Variants in TLL2 observed in about 807,000 individuals in gnomAD.
The protein encoded by TLL2 is tolloid like 2.
Under a neutral mutation model 123.0 loss-of-function variants are expected in TLL2, and 106 were observed. The observed-to-expected ratio is 0.86, with a 90% CI of 0.74 to 1.01. The LOEUF (loss-of-function observed/expected upper bound fraction) is 1.01, where lower values mean the gene tolerates loss of function less well. Ranked by LOEUF, TLL2 falls within the 50% of genes least tolerant of loss-of-function variation. The pLI, the probability that TLL2 is intolerant of heterozygous loss-of-function variation, is 0.00. For missense variants in TLL2, 1,332 were observed against 1,336.7 expected (o/e 1.00, Z 0.06); for synonymous variants, 494 against 516.8 (o/e 0.96, Z 0.60).
chr10:96,439,055 G>T (rs945920721), intron 3 of TLL2, among the ~76,000 whole-genome samples: 2 of 18,686 alleles, frequency 1.1e-4, no homozygotes, highest in African/African-American at 1.3e-4. Flanking sequence ...GATTTCATTT[G>T]CTAATTTTTT....
intron 7 of TLL2, among the ~76,000 whole-genome samples, chr10:96,413,743 A>G (rs973715147): frequency 2.0e-5 from 3 of 152,160 alleles, no homozygotes; most frequent in Admixed American, 2.0e-4. Flanking sequence ...AACTGGTCCA[A>G]TGTGAGACTC....
chr10:96,426,437 G>C (rs1846678243), intron 5 of TLL2, among the ~76,000 whole-genome samples: 3 of 152,094 alleles, frequency 2.0e-5, no homozygotes, highest in South Asian at 4.2e-4. Context: ...AAAGTAATTT[G>C]AAAGCGTTCA....
intron 2 of TLL2, among the ~76,000 whole-genome samples, chr10:96,478,322 C>A (rs141723037): frequency 6.6e-6 from 1 of 152,224 alleles, no homozygotes; most frequent in South Asian, 2.1e-4. Context: ...GACCAAGACT[C>A]AAAGCCTTAC....
chr10:96,443,755 G>T (rs770503756), intron 3 of TLL2, among the ~76,000 whole-genome samples: 1 of 152,206 alleles, frequency 6.6e-6, no homozygotes, highest in Non-Finnish European at 1.5e-5. Context: ...ACTAAGTGCT[G>T]ATCATTTGTG....
intron 5 of TLL2, among the ~76,000 whole-genome samples, chr10:96,423,148 A>G (rs1846643255): frequency 1.4e-5 from 2 of 146,614 alleles, no homozygotes; most frequent in African/African-American, 5.0e-5. Context: ...AAAAAAAAAG[A>G]AAAGAAACAG....
chr10:96,396,217 C>T (rs1453145033), intron 11 of TLL2, among the ~76,000 whole-genome samples, 197 bp from the exon 12 acceptor site: 1 of 149,152 alleles, frequency 6.7e-6, no homozygotes, highest in Non-Finnish European at 1.5e-5. Context: ...GAATTTTTTT[C>T]ATATAAAGAA....
chr10:96,368,439 G>T (rs1846049453), intron 20 of TLL2, among the ~76,000 whole-genome samples: 2 of 152,238 alleles, frequency 1.3e-5, no homozygotes, highest in African/African-American at 4.8e-5. Flanking sequence ...GATCCTAGGT[G>T]CATAGCTCAT....
At chr10:96,507,681 T>C (rs975303099) in intron 1 of TLL2, among the ~76,000 whole-genome samples, 3 of 152,132 alleles carry the variant, frequency 2.0e-5, no homozygotes, top group Admixed American at 6.5e-5. Context: ...GTTCTTTTTT[T>C]CCCTGAGGCT....
intron 1 of TLL2, among the ~76,000 whole-genome samples, chr10:96,482,519 G>A (rs138931504): frequency 7.8e-4 from 118 of 152,244 alleles, no homozygotes; most frequent in African/African-American, 2.6e-3. Flanking sequence ...ATAGACACAG[G>A]CTCCAACGTG....
At chr10:96,467,663 T>C (rs1310560968) in intron 2 of TLL2, among the ~76,000 whole-genome samples, 2 of 152,266 alleles carry the variant, frequency 1.3e-5, no homozygotes, top group Admixed American at 6.5e-5. Context: ...AAAAAGCCTT[T>C]AGTAGGGTTT....
At chr10:96,455,559 C>T (rs530223548) in intron 2 of TLL2, among the ~76,000 whole-genome samples, 85 of 151,602 alleles carry the variant, frequency 5.6e-4, no homozygotes, top group African/African-American at 2.0e-3. Context: ...CGGCCCAAAC[C>T]TACCAAAACC....
At chr10:96,456,046 G>T (rs1847012641) in intron 2 of TLL2, among the ~76,000 whole-genome samples, 1 of 152,218 alleles carries the variant, frequency 6.6e-6, no homozygotes, top group South Asian at 2.1e-4. Flanking sequence ...GCACAGTCCT[G>T]TGAGGTAGAG....
At chr10:96,377,228 G>A (rs1846146380) in intron 17 of TLL2, among the ~76,000 whole-genome samples, 1 of 152,226 alleles carries the variant, frequency 6.6e-6, no homozygotes, top group Admixed American at 6.5e-5. Context: ...GGTGATATGT[G>A]ATCGAATGAG....
intron 2 of TLL2, among the ~76,000 whole-genome samples, chr10:96,454,553 C>A (rs1846992261): frequency 6.6e-6 from 1 of 152,200 alleles, no homozygotes; most frequent in African/African-American, 2.4e-5. Context: ...TGTTGTTCAC[C>A]TGGCATCAAA....
intron 2 of TLL2, among the ~76,000 whole-genome samples, chr10:96,446,517 C>G (rs1397297549): frequency 6.6e-6 from 1 of 152,080 alleles, no homozygotes; most frequent in Non-Finnish European, 1.5e-5. Flanking sequence ...TAAGAAAGGC[C>G]AAATGCAAAT....
chr10:96,395,848 T>C (rs1314436991), intron 12 of TLL2, 27 bp downstream of exon 12: 2 of 1,607,562 alleles, frequency 1.2e-6, no homozygotes, highest in South Asian at 1.1e-5. Flanking sequence ...GCCGTTTCCT[T>C]GGGAAGCCGG....
At chr10:96,482,576 C>A (rs1400275636) in intron 1 of TLL2, among the ~76,000 whole-genome samples, 1 of 152,164 alleles carries the variant, frequency 6.6e-6, no homozygotes, top group Non-Finnish European at 1.5e-5. Context: ...TGTTGCCAAA[C>A]ACTACATATT....
intron 1 of TLL2, among the ~76,000 whole-genome samples, chr10:96,487,262 C>G (rs1161868604): frequency 6.6e-6 from 1 of 152,170 alleles, no homozygotes; most frequent in African/African-American, 2.4e-5. Context: ...GGCAAGCATG[C>G]AGTGAAGAGT....
chr10:96,372,760 G>C (rs970529295), intron 19 of TLL2, among the ~76,000 whole-genome samples: 1 of 152,202 alleles, frequency 6.6e-6, no homozygotes. Flanking sequence ...GGCGTGATCA[G>C]AGCTCACTGA....
Sources: allele counts gnomAD v4.1 joint callset (sites outside exome capture counted in the v4.1 genomes callset), GRCh38; gene constraint gnomAD v4.1.1; transcripts MANE v1.5; gene names NCBI Gene and HGNC (gene_info 2026-07-23, HGNC 2026-07-21).